Variants in KCNN2 observed in about 807,000 individuals in gnomAD.
KCNN2 encodes the protein potassium calcium-activated channel subfamily N member 2.
Under a neutral mutation model 55.5 loss-of-function variants are expected in KCNN2, and 24 were observed. That is an observed-to-expected ratio of 0.43 (90% confidence interval 0.31 to 0.61). The LOEUF is 0.61. KCNN2 is among the 20% of genes least tolerant of loss of function. KCNN2 has a pLI of 0.08. For missense variants in KCNN2, 754 were observed against 853.6 expected (o/e 0.88, Z 1.45); for synonymous variants, 431 against 336.1 (o/e 1.28, Z -3.09).
At chr5:114,408,469 A>T (rs1289035314) in intron 3 of KCNN2, among the ~76,000 whole-genome samples, 2 of 152,038 alleles carry the variant, frequency 1.3e-5, no homozygotes, top group Non-Finnish European at 2.9e-5. Context: ...TTTCTTTTTA[A>T]GGAAAGGTAG....
At chr5:114,184,767 A>G (rs1459425179) in intron 1 of KCNN2, among the ~76,000 whole-genome samples, 1 of 152,198 alleles carries the variant, frequency 6.6e-6, no homozygotes, top group Admixed American at 6.5e-5. Context: ...AATGTTAGTT[A>G]ATTGCCCCCT....
At chr5:114,213,015 T>C (rs530113630) in intron 1 of KCNN2, among the ~76,000 whole-genome samples, 145 of 152,024 alleles carry the variant, frequency 9.5e-4, no homozygotes, top group Non-Finnish European at 1.7e-3. Context: ...CCCCTGTAAA[T>C]GAGATGCTGG....
chr5:114,363,032 G>A lies in KCNN2; in HGVS notation c.893G>A (p.Gly298Asp). 1 of 1,604,368 alleles carries A rather than the reference G, an allele frequency of 6.2e-7. No homozygotes were observed. Residue 298 changes from glycine to aspartate, a missense_variant, in exon 1 of 8, where the codon GGC becomes GAC. Physicochemically the swap from Gly to Asp is moderately conservative, Grantham distance 94. Coordinates refer to ENST00000673685, the MANE Select transcript of KCNN2 (RefSeq NM_021614.4). The stretch of plus-strand genomic sequence containing the variant: ...AACCTGGCGCTCTATGGAACCGGCG[G>A]CGGAGGCAGCACTGGAGGAGGCGGC... ...SNNLALYGTG[G>D]GGSTGGGGGG...
At chr5:114,364,191 C>T (rs1364003539) in intron 2 of KCNN2, among the ~76,000 whole-genome samples, 190 bp downstream of exon 2, 1 of 152,170 alleles carries the variant, frequency 6.6e-6, no homozygotes, top group Non-Finnish European at 1.5e-5. Context: ...GGCAGGGTAG[C>T]ATATAAACAT....
chr5:114,229,087 A>G (rs759888415), intron 2 of KCNN2, among the ~76,000 whole-genome samples: 112 of 151,936 alleles, frequency 7.4e-4, no homozygotes, highest in Non-Finnish European at 1.3e-3. Flanking sequence ...AAGCTATAAA[A>G]TTTATGATTG....
At chr5:114,172,656 T>G (rs1332492982) in intron 1 of KCNN2, among the ~76,000 whole-genome samples, 1 of 148,970 alleles carries the variant, frequency 6.7e-6, no homozygotes, top group Admixed American at 6.7e-5. Flanking sequence ...ATAATATATA[T>G]TATGTTGTTT....
At chr5:114,357,996 C>T (rs1170894849), upstream of KCNN2, among the ~76,000 whole-genome samples, 2 of 150,880 alleles carry the variant, frequency 1.3e-5, no homozygotes, top group East Asian at 4.0e-4. Context: ...ACCATTCTAA[C>T]TGGTGTGAGA....
intron 2 of KCNN2, among the ~76,000 whole-genome samples, chr5:114,274,425 G>T (rs1353415258): frequency 1.3e-5 from 2 of 152,170 alleles, no homozygotes; most frequent in Admixed American, 1.3e-4. Flanking sequence ...ATTACTTTGG[G>T]CAGTAAGGCC....
intron 5 of KCNN2, among the ~76,000 whole-genome samples, chr5:114,481,970 C>T (rs1057068375): frequency 1.3e-5 from 2 of 151,996 alleles, no homozygotes; most frequent in African/African-American, 2.4e-5. Flanking sequence ...GACATAGTCA[C>T]GGGCAAAGAT....
chr5:114,165,197 G>GTGTGCC (rs1237105676), intron 1 of KCNN2, among the ~76,000 whole-genome samples: 66 of 152,190 alleles, frequency 4.3e-4, no homozygotes, highest in African/African-American at 1.6e-3. Context: ...GTTATGCCAA[G>GTGTGCC]TGTGCCTGTG....
chr5:114,136,419 A>G, intron 1 of KCNN2, among the ~76,000 whole-genome samples: 1 of 152,202 alleles, frequency 6.6e-6, no homozygotes, highest in Non-Finnish European at 1.5e-5. Context: ...CTGCCTTCAC[A>G]GCCATGAACC....
intron 1 of KCNN2, among the ~76,000 whole-genome samples, chr5:114,089,220 GT>G (rs1270806610): frequency 6.6e-6 from 1 of 152,106 alleles, no homozygotes; most frequent in African/African-American, 2.4e-5. Flanking sequence ...GTTGAATTTT[GT>G]TCTGGCAATT....
intron 2 of KCNN2, among the ~76,000 whole-genome samples, chr5:114,385,756 A>T (rs1429615326): frequency 6.6e-6 from 1 of 152,074 alleles, no homozygotes; most frequent in African/African-American, 2.4e-5. Context: ...GTATCCCGTC[A>T]TAATAGTAAT....
chr5:114,162,895 T>C (rs1245963374), intron 1 of KCNN2, among the ~76,000 whole-genome samples: 1 of 152,122 alleles, frequency 6.6e-6, no homozygotes. Flanking sequence ...CCAGGTGCCG[T>C]CTGTCACCCC....
chr5:114,133,128 A>G lies in KCNN2; in HGVS notation c.-271+76628A>G, dbSNP rs145060235. 5.7e-3 allele frequency among the ~76,000 whole-genome samples: 861 copies of G among 152,270 alleles called. 11 individuals are homozygous for G. Among genetic ancestry groups the G allele is most frequent in the Middle Eastern group, 0.024 (7 of 294 alleles). ...TAGGAAACATAATTAATGAATGTCT[A>G]TGTAATTAGGGCATTAGTTGGAGAC... On this transcript the variant is annotated intron_variant, in intron 1 of 10. Transcript: ENST00000512097.
intron 2 of KCNN2, among the ~76,000 whole-genome samples, chr5:114,256,734 CTTG>C (rs1430831774): frequency 6.6e-6 from 1 of 151,846 alleles, no homozygotes; most frequent in East Asian, 1.9e-4. Flanking sequence ...GTTGGTTTTT[CTTG>C]TTGAGTTGTT....
intron 1 of KCNN2, among the ~76,000 whole-genome samples, chr5:114,084,405 A>G (rs1041139032): frequency 6.6e-6 from 1 of 152,048 alleles, no homozygotes; most frequent in Non-Finnish European, 1.5e-5. Context: ...TTGCTTTAAT[A>G]TGCAATTTCT....
At chr5:114,278,281 T>C (rs1242288428) in intron 2 of KCNN2, among the ~76,000 whole-genome samples, 1 of 152,150 alleles carries the variant, frequency 6.6e-6, no homozygotes, top group Non-Finnish European at 1.5e-5. Context: ...GGTAGGTGTC[T>C]CCCAGTCAGG....
chr5:114,305,552 A>G (rs1303657959), intron 2 of KCNN2, among the ~76,000 whole-genome samples: 2 of 152,138 alleles, frequency 1.3e-5, no homozygotes, highest in Non-Finnish European at 2.9e-5. Flanking sequence ...ATCTGTATAT[A>G]CATCCAGAGG....
Sources: gnomAD v4.1 joint callset for allele counts (sites outside exome capture counted in the v4.1 genomes callset) on GRCh38, gnomAD v4.1.1 for gene constraint, MANE v1.5 for transcripts, NCBI Gene and HGNC (gene_info 2026-07-23, HGNC 2026-07-21) for gene names.